TPRG1: variants seen among roughly 807,000 people sequenced by gnomAD.
The protein encoded by TPRG1 is tumor protein p63-regulated gene 1 protein.
A neutral mutation model predicts 29.3 loss-of-function variants in TPRG1; 29 were observed. The ratio of observed to expected loss-of-function variants is 0.99; its 90% CI spans 0.74 to 1.35. TPRG1 has a LOEUF of 1.35. Among genes scored for constraint, TPRG1 ranks in the 40% most tolerant of loss-of-function variants. The probability of loss-of-function intolerance (pLI) is 0.00; values close to 1 mark genes in which losing one functional copy is unlikely to be tolerated. For synonymous variants in TPRG1, 130 were observed against 116.8 expected, an observed-to-expected ratio of 1.11 and a Z score of -0.73; for missense variants, 327 against 335.0, an observed-to-expected ratio of 0.98 and a Z score of 0.19.
intron 3 of TPRG1, chr3:189,219,583 C>T: frequency 7.8e-7 from 1 of 1,283,968 alleles, no homozygotes; most frequent in African/African-American, 1.5e-5. Flanking sequence ...ATCCATTAAG[C>T]CAGCACCAAG....
chr3:189,141,361 C>CCACT lies in TPRG1; in HGVS notation c.-290-6221_-290-6220insCTCA, dbSNP rs5855239. 6.3e-3 allele frequency among the ~76,000 whole-genome samples: 954 copies of CCACT among 151,414 alleles called. 13 individuals carry two copies. The highest frequency in any genetic ancestry group is 0.022 in the African/African-American group (926 of 41,372). On this transcript the variant is annotated intron_variant, in intron 3 of 6. Coordinates refer to the TPRG1 transcript ENST00000412373. ...GAAAATGGAGGGGAAGACATTCTAG[C>CCACT]CATTCATTCATTCATTCATTCATTC...
At chr3:189,049,033 G>A (rs570922409) in intron 4 of TPRG1, among the ~76,000 whole-genome samples, 1 of 152,156 alleles carries the variant, frequency 6.6e-6, no homozygotes, top group African/African-American at 2.4e-5. Context: ...GCACCACAGC[G>A]ATCCACTGGG....
intron 1 of TPRG1, among the ~76,000 whole-genome samples, chr3:189,173,952 A>G (rs764648706): frequency 6.6e-6 from 1 of 152,204 alleles, no homozygotes; most frequent in Non-Finnish European, 1.5e-5. Context: ...TTCTTCTGGA[A>G]TATTTGCTTC....
At chr3:189,222,467 G>A (rs1324009480) in intron 3 of TPRG1, among the ~76,000 whole-genome samples, 8 of 152,168 alleles carry the variant, frequency 5.3e-5, no homozygotes, top group African/African-American at 1.7e-4. Flanking sequence ...TTTTGTACGC[G>A]CTCATCTAGT....
intron 3 of TPRG1, among the ~76,000 whole-genome samples, chr3:189,005,926 T>C (rs1176542659): frequency 6.6e-6 from 1 of 151,970 alleles, no homozygotes; most frequent in Non-Finnish European, 1.5e-5. Flanking sequence ...TGGAAGCATA[T>C]GCAAAATGAA....
At chr3:189,168,648 T>C (rs1196039222), upstream of TPRG1, among the ~76,000 whole-genome samples, 2 of 152,150 alleles carry the variant, frequency 1.3e-5, no homozygotes, top group African/African-American at 4.8e-5. Flanking sequence ...TGGTGTACTA[T>C]TGGAACGCAA....
At chr3:189,220,432 T>G (rs1391993134) in intron 3 of TPRG1, among the ~76,000 whole-genome samples, 1 of 152,184 alleles carries the variant, frequency 6.6e-6, no homozygotes, top group Non-Finnish European at 1.5e-5. Flanking sequence ...GTGCGTATAA[T>G]TATTTTTAAC....
intron 1 of TPRG1, among the ~76,000 whole-genome samples, chr3:189,115,411 C>A (rs1272623662): frequency 2.0e-5 from 3 of 152,112 alleles, no homozygotes; most frequent in Admixed American, 1.3e-4. Context: ...TAGCTATAGG[C>A]TTTGATAATT....
chr3:189,181,804 A>G (rs1730260783), intron 1 of TPRG1, among the ~76,000 whole-genome samples: 1 of 152,160 alleles, frequency 6.6e-6, no homozygotes, highest in African/African-American at 2.4e-5. Flanking sequence ...CTCTACTAGT[A>G]CCAATTTACT....
At chr3:189,000,803 T>C (rs1055586101) in exon 2 of TPRG1, 1 of 152,124 alleles carries the variant, frequency 6.6e-6, no homozygotes, top group Admixed American at 6.6e-5. Flanking sequence ...GGCTGGAATG[T>C]GGTGGCATGA....
chr3:189,091,021 A>G (rs533176247), intron 4 of TPRG1, among the ~76,000 whole-genome samples: 8 of 152,248 alleles, frequency 5.3e-5, no homozygotes, highest in African/African-American at 1.9e-4. Context: ...TATATTTTCT[A>G]TGCCTCAGTT....
At chr3:189,243,459 T>C (rs1450674744) in intron 4 of TPRG1, among the ~76,000 whole-genome samples, 1 of 152,188 alleles carries the variant, frequency 6.6e-6, no homozygotes, top group African/African-American at 2.4e-5. Context: ...TGAGTTGTTT[T>C]CCCTATTGTC....
At chr3:189,257,580 G>A (rs1424580735) in intron 4 of TPRG1, among the ~76,000 whole-genome samples, 1 of 152,018 alleles carries the variant, frequency 6.6e-6, no homozygotes, top group Admixed American at 6.6e-5. Flanking sequence ...AGTTCTTTAG[G>A]ATAATATCCT....
chr3:189,070,631 CGTATA>C (rs1560426110), intron 4 of TPRG1, among the ~76,000 whole-genome samples: 1 of 151,908 alleles, frequency 6.6e-6, no homozygotes. Context: ...TTTAAATCAA[CGTATA>C]GTAAGAAAGA....
intron 4 of TPRG1, among the ~76,000 whole-genome samples, chr3:189,250,912 C>T (rs544720392): frequency 3.3e-5 from 5 of 152,070 alleles, no homozygotes; most frequent in African/African-American, 9.6e-5. Flanking sequence ...GTGAGAAATG[C>T]GAGACTTACA....
rs577519611 is a variant in TPRG1 at position 189,294,802 on chromosome 3, T to TCACACA, written c.480-15584_480-15583insCACACA. On this transcript the variant is annotated intron_variant, in intron 4 of 5. Coordinates refer to ENST00000345063, the MANE Select transcript of TPRG1 (RefSeq NM_198485.4). ...ACCTTTAATTACACAACCCTTACAGTTACACACACACACACACACACACAC... is the reference window on the plus strand; with the variant it reads ...ACCTTTAATTACACAACCCTTACAGTCACACATACACACACACACACACACACACAC... Among the ~76,000 whole-genome samples the TCACACA allele has an allele frequency of 2.2e-3, 291 of 131,512 alleles. 2 individuals carry two copies. Among genetic ancestry groups the TCACACA allele is most frequent in the Middle Eastern group, 3.5e-3 (1 of 286 alleles). 86.3% of individuals were successfully genotyped at this position (131,512 alleles called of 152,430 possible).
At chr3:189,262,854 G>A (rs1292942273) in intron 4 of TPRG1, among the ~76,000 whole-genome samples, 1 of 152,212 alleles carries the variant, frequency 6.6e-6, no homozygotes, top group African/African-American at 2.4e-5. Flanking sequence ...GCACACAGCT[G>A]TTGGCAGGCC....
chr3:189,063,703 C>T lies in TPRG1; in HGVS notation c.-463+39757C>T, dbSNP rs140030498. On this transcript the variant is annotated intron_variant, in intron 4 of 10. Coordinates refer to the TPRG1 transcript ENST00000433971. ...TCTCAAAGGACATTTAATACATATA[C>T]AAAACCAAATTAAATTGAAACAATA... Among the ~76,000 whole-genome samples the T allele has an allele frequency of 3.6e-3, 552 of 152,158 alleles. 2 individuals are homozygous for T. Among genetic ancestry groups the T allele is most frequent in the Middle Eastern group, 0.017 (5 of 294 alleles).
chr3:189,182,532 G>A (rs1006441332), intron 1 of TPRG1, among the ~76,000 whole-genome samples: 2 of 152,146 alleles, frequency 1.3e-5, no homozygotes, highest in African/African-American at 4.8e-5. Context: ...TATAACATTA[G>A]ATATACCATT....
Sources: gnomAD v4.1 joint callset for allele counts (sites outside exome capture counted in the v4.1 genomes callset) on GRCh38, gnomAD v4.1.1 for gene constraint, MANE v1.5 for transcripts, NCBI Gene and HGNC (gene_info 2026-07-23, HGNC 2026-07-21) for gene names.